The following MTBP variants were observed in gnomAD, a reference collection of about 807,000 sequenced individuals.
MTBP encodes MDM2 binding protein.
MTBP carries 101 observed loss-of-function variants against 117.0 expected under a neutral mutation model. That is an observed-to-expected ratio of 0.86 (90% CI 0.73 to 1.02). The LOEUF (loss-of-function observed/expected upper bound fraction) is 1.02, where lower values mean the gene tolerates loss of function less well. Among genes scored for constraint, MTBP ranks in the 50% least tolerant of loss-of-function variants. The pLI, the probability that MTBP is intolerant of heterozygous loss-of-function variation, is 0.00. For synonymous variants in MTBP, 350 were observed against 351.5 expected, an observed-to-expected ratio of 1.00 and a Z score of 0.05; for missense variants, 970 against 1,030.9, an observed-to-expected ratio of 0.94 and a Z score of 0.81.
rs903872336 is a variant in MTBP, at chr8:120,455,406, A to T, written c.485-29A>T. The T allele has an allele frequency of 2.0e-6, 3 of 1,508,914 alleles. No individual in the cohort carries two copies. In the African/African-American group the frequency reaches 4.3e-5, roughly 21 times the overall value. The allele number at this position is 1,508,914 out of a possible 1,614,324, so 93.5% of individuals were successfully genotyped here. A position where few individuals can be genotyped will look rare whatever the true frequency, so the allele number is the denominator to read the frequency against. Reference sequence around the variant, plus strand: ...ACATTTCAGATCTAACTTTTTAAAAATTACAAAAATGCCTTTTTCTCTTTC... The same window carrying T: ...ACATTTCAGATCTAACTTTTTAAAATTTACAAAAATGCCTTTTTCTCTTTC... On this transcript the variant is annotated intron_variant, in intron 5 of 21. Coordinates refer to ENST00000305949, the MANE Select transcript of MTBP (RefSeq NM_022045.5).
chr8:120,479,321 C>T (rs181297852), intron 11 of MTBP, among the ~76,000 whole-genome samples: 74 of 152,202 alleles, frequency 4.9e-4, no homozygotes, highest in Admixed American at 2.2e-3. Context: ...GTTAAAATAG[C>T]ACAGTACAAG....
intron 10 of MTBP, among the ~76,000 whole-genome samples, chr8:120,464,176 G>A (rs1813639313): frequency 6.6e-6 from 1 of 151,908 alleles, no homozygotes; most frequent in Non-Finnish European, 1.5e-5. Context: ...CTACTAAATT[G>A]TCATTTGGGA....
intron 17 of MTBP, among the ~76,000 whole-genome samples, chr8:120,514,988 C>T (rs777578994): frequency 8.6e-5 from 13 of 151,884 alleles, no homozygotes; most frequent in Non-Finnish European, 1.6e-4. Context: ...GTAAGTGTCA[C>T]AAGGGAAAGA....
Position 120,516,182 on chromosome 8 carries a change from C to G in MTBP, c.2237C>G (p.Pro746Arg). 6.2e-7 allele frequency: 1 copy of G among 1,609,168 alleles called. No individual in the cohort carries two copies. Among genetic ancestry groups the G allele is most frequent in the Non-Finnish European group, 8.5e-7 (1 of 1,176,834 alleles). ...TCTAAAGATCTGAATTGCCTTTATC[C>G]CAGAAAAAGGTGATATATTACATGC... ...RRSKDLNCLY[P>R]RKRLVKSESS... The change falls in exon 18 of 22, where the codon CCC becomes CGC. Residue 746 changes from proline to arginine, a missense_variant. Coordinates refer to ENST00000305949, the MANE Select transcript of MTBP (RefSeq NM_022045.5).
intron 10 of MTBP, among the ~76,000 whole-genome samples, chr8:120,464,809 T>G (rs1813654048): frequency 6.6e-6 from 1 of 152,088 alleles, no homozygotes. Flanking sequence ...TTTTAAAATT[T>G]ATCTTTTATC....
intron 2 of MTBP, among the ~76,000 whole-genome samples, chr8:120,449,081 G>A (rs1813283802): frequency 6.6e-6 from 1 of 152,142 alleles, no homozygotes; most frequent in African/African-American, 2.4e-5. Context: ...GAAAAGTATA[G>A]CTATTTCTGT....
In MTBP at chr8:120,445,497, C is replaced by A; in HGVS notation, c.27C>A (p.Ile9=). 6.2e-7 allele frequency: 1 copy of A among 1,613,392 alleles called. No homozygotes were observed. The highest frequency in any genetic ancestry group is 8.5e-7 in the Non-Finnish European group (1 of 1,179,720). Residue 9 remains isoleucine (I), a synonymous_variant, in exon 1 of 22, where the codon ATC becomes ATA. Transcript: ENST00000305949. ...TGGATCGGTACCTGCTGCTGGTGAT[C>A]TGGGGGGAAGGAAAATTCCCGTCGG... MDRYLLLV[I]WGEGKFPSAA... is the part of the protein sequence containing the mutation.
At chr8:120,495,377 C>CA (rs1340354458) in intron 13 of MTBP, among the ~76,000 whole-genome samples, 1 of 152,130 alleles carries the variant, frequency 6.6e-6, no homozygotes, top group Non-Finnish European at 1.5e-5. Flanking sequence ...TCTCCAGAAT[C>CA]ATTGTCTCTA....
intron 13 of MTBP, among the ~76,000 whole-genome samples, chr8:120,494,181 T>C (rs1389621811): frequency 6.6e-6 from 1 of 152,182 alleles, no homozygotes; most frequent in Non-Finnish European, 1.5e-5. Flanking sequence ...TCCCTTGCAT[T>C]ATTTATGTGC....
intron 20 of MTBP, among the ~76,000 whole-genome samples, chr8:120,520,133 A>G (rs1814989123): frequency 6.6e-6 from 1 of 152,158 alleles, no homozygotes; most frequent in South Asian, 2.1e-4. Context: ...TTCTAACACA[A>G]TTGATGCCAA....
At chr8:120,502,642 A>C (rs2130602472) in intron 15 of MTBP, 33 bp downstream of exon 15, 1 of 1,266,322 alleles carries the variant, frequency 7.9e-7, no homozygotes, top group South Asian at 1.4e-5. Context: ...AGCATGTGAT[A>C]GCTCAGTAAT....
chr8:120,480,242 A>AAC (rs1814046758), intron 11 of MTBP, among the ~76,000 whole-genome samples: 1 of 151,232 alleles, frequency 6.6e-6, no homozygotes, highest in African/African-American at 2.4e-5. Context: ...CTACAAAAAA[A>AAC]AAAAAACAAA....
In MTBP at chr8:120,490,567, CTAAG is replaced by C. The variant is rs756192822; in HGVS notation, c.1447+5_1447+8del. On this transcript the variant is annotated splice_donor_variant and coding_sequence_variant, in exon 13 of 22. Transcript: ENST00000305949. LOFTEE classifies it high-confidence loss of function. The stretch of plus-strand genomic sequence containing the variant: ...TCAAGTTTTAGCTTTGGAAGAATGC[CTAAG>C]TAAGTAACAATTTGTGTATTTTATC... The C allele has an allele frequency of 1.3e-5, 20 of 1,580,064 alleles. No individual in the cohort carries two copies. Among genetic ancestry groups the C allele is most frequent in the Non-Finnish European group, 1.5e-5 (17 of 1,158,688 alleles).
At chr8:120,492,456 T>G (rs2130587392) in intron 13 of MTBP, among the ~76,000 whole-genome samples, 1 of 152,298 alleles carries the variant, frequency 6.6e-6, no homozygotes, top group African/African-American at 2.4e-5. Flanking sequence ...AGTTAACTTA[T>G]TTGTACATGA....
intron 11 of MTBP, among the ~76,000 whole-genome samples, chr8:120,486,469 C>G (rs1814218024): frequency 2.0e-5 from 3 of 152,096 alleles, no homozygotes; most frequent in Non-Finnish European, 4.4e-5. Context: ...ATTTGGGTGC[C>G]TATTTTCTCA....
At chr8:120,504,585 A>G (rs1355437508) in intron 15 of MTBP, among the ~76,000 whole-genome samples, 4 of 151,780 alleles carry the variant, frequency 2.6e-5, no homozygotes, top group African/African-American at 7.3e-5. Context: ...ACAATTTTCT[A>G]TTTTCTTTAA....
rs1265884713 is a variant in MTBP, at chr8:120,456,687, C to G, written c.747+17C>G. 2.9e-6 allele frequency: 4 copies of G among 1,377,790 alleles called. No homozygotes were observed. In the Admixed American group the frequency reaches 5.6e-5, roughly 19 times the overall value. 85.3% of individuals were successfully genotyped at this position (1,377,790 alleles called of 1,614,324 possible). A position where few individuals can be genotyped will look rare whatever the true frequency, so the allele number is the denominator to read the frequency against. Reference sequence around the variant, plus strand: ...GAAAGAAAGGTAAATGGATTATTCACAGTTTGCCAAGTAGGCCTTTCAATT... The same window carrying G: ...GAAAGAAAGGTAAATGGATTATTCAGAGTTTGCCAAGTAGGCCTTTCAATT... On this transcript the variant is annotated intron_variant, in intron 7 of 21. Coordinates refer to ENST00000305949, the MANE Select transcript of MTBP (RefSeq NM_022045.5).
intron 11 of MTBP, among the ~76,000 whole-genome samples, chr8:120,480,705 G>C: frequency 6.6e-6 from 1 of 152,076 alleles, no homozygotes; most frequent in Middle Eastern, 3.4e-3. Context: ...ATTTATATAT[G>C]TATTTAGACT....
At chr8:120,497,597 G>T (rs1335014404) in intron 14 of MTBP, 43 bp downstream of exon 14, 1 of 1,144,216 alleles carries the variant, frequency 8.7e-7, no homozygotes, top group Non-Finnish European at 1.2e-6. Context: ...TGTGTGTGTG[G>T]CAACTATGAC....
Sources: gnomAD v4.1 joint callset for allele counts (sites outside exome capture counted in the v4.1 genomes callset) on GRCh38, gnomAD v4.1.1 for gene constraint, MANE v1.5 for transcripts, NCBI Gene and HGNC (gene_info 2026-07-23, HGNC 2026-07-21) for gene names.